Variants in VSTM4 observed in about 807,000 individuals in gnomAD.
VSTM4 encodes V-set and transmembrane domain containing 4, also known as V-set and transmembrane domain-containing protein 4.
In VSTM4, 20 loss-of-function variants were observed where a neutral mutation model predicts 36.4. That is an observed-to-expected ratio of 0.55 (90% confidence interval 0.39 to 0.80). The LOEUF (loss-of-function observed/expected upper bound fraction) is 0.80. Ranked by LOEUF, VSTM4 falls within the 30% of genes least tolerant of loss-of-function variation. VSTM4 has a pLI of 0.00. For synonymous variants in VSTM4, 182 were observed against 173.9 expected (o/e 1.05, Z -0.37); for missense variants, 392 against 404.5 (o/e 0.97, Z 0.26).
At chr10:49,071,478 A>G (rs1002649812) in intron 4 of VSTM4, among the ~76,000 whole-genome samples, 5 of 152,222 alleles carry the variant, frequency 3.3e-5, no homozygotes, top group Non-Finnish European at 7.3e-5. Flanking sequence ...GGGAAGGGGA[A>G]ACATGTTTGT....
At chr10:49,046,654 T>C (rs539002863) in intron 7 of VSTM4, among the ~76,000 whole-genome samples, 21 of 152,330 alleles carry the variant, frequency 1.4e-4, no homozygotes, top group Non-Finnish European at 1.5e-5. Context: ...GGAAAACATG[T>C]GCAGCAGTAT....
At chr10:49,064,428 G>A in intron 5 of VSTM4, 1 of 440,246 alleles carries the variant, frequency 2.3e-6, no homozygotes, top group East Asian at 4.4e-5. Flanking sequence ...TTCCTAAACT[G>A]GGGAGCAGCT....
Position 49,115,449 on chromosome 10 carries a change from C to A in VSTM4, c.37G>T (p.Ala13Ser). 1 of 1,043,494 alleles carries A rather than the reference C, an allele frequency of 9.6e-7. No individual in the cohort carries two copies. The highest frequency in any genetic ancestry group is 1.0e-4 in the East Asian group (1 of 9,922). The allele number at this position is 1,043,494 out of a possible 1,614,324, so 64.6% of individuals were successfully genotyped here. ...CGCTTACCCGGAGCCGGAGCCCGCG[C>A]CAGCAGCGCGGCCGCCGCCAGTGCC... ...LLALAAAALLARAPAPEVCAA... is the reference protein window; with the variant it reads ...LLALAAAALLSRAPAPEVCAA... The change falls in exon 1 of 8, where the codon GCG (alanine) becomes TCG (serine). Residue 13 changes from alanine (A) to serine (S), a missense_variant. By Grantham distance (99) the Ala-to-Ser change is moderately conservative. Transcript: ENST00000332853.
Position 49,015,773 on chromosome 10 carries a change from A to C in VSTM4, c.*3877T>G, listed in dbSNP as rs1211915554. 6.6e-6 allele frequency: 1 copy of C among 152,180 alleles called. No homozygotes were observed. Among genetic ancestry groups the C allele is most frequent in the Non-Finnish European group, 1.5e-5 (1 of 68,040 alleles). The allele number at this position is 152,180 out of a possible 1,614,324, so 9.4% of individuals were successfully genotyped here. A position where few individuals can be genotyped will look rare whatever the true frequency, so the allele number is the denominator to read the frequency against. ...TGGAAAGATGTCATGTTCCACATGG[A>C]CACCAGCCTAAGCTTTAGGCTGACA... is the stretch of plus-strand genomic sequence containing the variant. On this transcript the variant is annotated 3_prime_UTR_variant, in exon 8 of 8. Transcript: ENST00000332853.
At chr10:49,084,733 C>G (rs1172098904) in intron 3 of VSTM4, among the ~76,000 whole-genome samples, 2 of 152,248 alleles carry the variant, frequency 1.3e-5, no homozygotes, top group African/African-American at 4.8e-5. Flanking sequence ...CAGCCTTTCA[C>G]TGATCCAAAG....
chr10:49,064,309 T>G (rs1011455608), intron 5 of VSTM4: 2 of 221,584 alleles, frequency 9.0e-6, no homozygotes, highest in Non-Finnish European at 1.8e-5. Context: ...CTATAAAGTG[T>G]GCCTCACCAG....
intron 7 of VSTM4, among the ~76,000 whole-genome samples, chr10:49,043,429 G>A (rs984720029): frequency 2.0e-5 from 3 of 152,144 alleles, no homozygotes; most frequent in African/African-American, 7.2e-5. Flanking sequence ...GGGAATTATA[G>A]GTGACAGTCA....
At chr10:49,037,385 G>A (rs1036064855) in intron 7 of VSTM4, among the ~76,000 whole-genome samples, 2 of 152,244 alleles carry the variant, frequency 1.3e-5, no homozygotes, top group African/African-American at 4.8e-5. Flanking sequence ...CAGGGCCGGA[G>A]ATTCTACTTT....
At chr10:49,094,172 C>T (rs1012548438) in intron 2 of VSTM4, among the ~76,000 whole-genome samples, 1 of 152,158 alleles carries the variant, frequency 6.6e-6, no homozygotes, top group Non-Finnish European at 1.5e-5. Context: ...GGGGGTCCCA[C>T]CCTGCCCAGC....
chr10:49,096,156 C>T (rs979160628), intron 2 of VSTM4, among the ~76,000 whole-genome samples: 3 of 152,176 alleles, frequency 2.0e-5, no homozygotes, highest in Non-Finnish European at 4.4e-5. Flanking sequence ...TTATCTGTTC[C>T]ATGTCTCCCG....
At chr10:49,101,327 T>A (rs1312893034) in intron 2 of VSTM4, among the ~76,000 whole-genome samples, 2 of 151,886 alleles carry the variant, frequency 1.3e-5, no homozygotes, top group African/African-American at 4.8e-5. Flanking sequence ...GGAATAAAAT[T>A]TTGTACCATA....
Position 49,019,613 on chromosome 10 carries a change from G to T in VSTM4, c.*37C>A, listed in dbSNP as rs746423460. 6.4e-7 allele frequency: 1 copy of T among 1,563,522 alleles called. No homozygotes were observed. Among genetic ancestry groups the T allele is most frequent in the South Asian group, 1.2e-5 (1 of 83,994 alleles). ...CCAAGGCTTCATAAATCACTGGGTGGCAGGTATTAAATAGAACCTTGGAGG... is the reference window on the plus strand; with the variant it reads ...CCAAGGCTTCATAAATCACTGGGTGTCAGGTATTAAATAGAACCTTGGAGG... On this transcript the variant is annotated 3_prime_UTR_variant, in exon 8 of 8. Transcript: ENST00000332853.
chr10:49,085,995 T>C lies in VSTM4; in HGVS notation c.486A>G (p.Ser162=). ...RVISLKASEE[S]SFEKTKETWA... ...AAGTCTCTTTTGTTTTCTCAAAGGA[T>C]GACTCTTCAGAAGCTTTGAGGGAAA... The change falls in exon 3 of 8, where the codon TCA becomes TCG. Residue 162 remains serine, a synonymous_variant. Transcript: ENST00000332853. 6.3e-7 allele frequency: 1 copy of C among 1,594,488 alleles called. No individual in the cohort carries two copies. The highest frequency in any genetic ancestry group is 8.5e-7 in the Non-Finnish European group (1 of 1,172,398).
At chr10:49,049,399 C>G (rs576158618) in intron 5 of VSTM4, among the ~76,000 whole-genome samples, 46 of 152,036 alleles carry the variant, frequency 3.0e-4, no homozygotes, top group Non-Finnish European at 5.1e-4. Flanking sequence ...TACACTGCTC[C>G]GATATGAAAC....
intron 2 of VSTM4, among the ~76,000 whole-genome samples, chr10:49,106,102 C>T (rs1844777747): frequency 6.6e-6 from 1 of 152,062 alleles, no homozygotes; most frequent in South Asian, 2.1e-4. Flanking sequence ...CAAGCAAACT[C>T]CAAAGACAAG....
chr10:49,057,039 C>T (rs941936365), intron 5 of VSTM4, among the ~76,000 whole-genome samples: 1 of 151,854 alleles, frequency 6.6e-6, no homozygotes, highest in Non-Finnish European at 1.5e-5. Flanking sequence ...GGGCCAGGCT[C>T]TTTTAAACAA....
At chr10:49,031,678 A>C (rs917347134) in intron 7 of VSTM4, among the ~76,000 whole-genome samples, 1 of 152,230 alleles carries the variant, frequency 6.6e-6, no homozygotes, top group Non-Finnish European at 1.5e-5. Context: ...AAGTCAAACC[A>C]TGCCACTCAC....
chr10:49,036,735 C>G (rs543534580), intron 7 of VSTM4, among the ~76,000 whole-genome samples: 45 of 152,248 alleles, frequency 3.0e-4, no homozygotes, highest in African/African-American at 9.6e-4. Context: ...AAACTAGGGC[C>G]GGGGGAAGAA....
At chr10:49,094,134 C>T (rs903458086) in intron 2 of VSTM4, among the ~76,000 whole-genome samples, 2 of 151,758 alleles carry the variant, frequency 1.3e-5, no homozygotes, top group East Asian at 1.9e-4. Flanking sequence ...TGTTACTTTC[C>T]GGAAAGCTAG....
Sources: allele counts gnomAD v4.1 joint callset (sites outside exome capture counted in the v4.1 genomes callset), GRCh38; gene constraint gnomAD v4.1.1; transcripts MANE v1.5; gene names NCBI Gene and HGNC (gene_info 2026-07-23, HGNC 2026-07-21).